The following PHYKPL variants were observed in gnomAD, a reference collection of about 807,000 sequenced individuals.
PHYKPL encodes the protein 5-phosphohydroxy-L-lysine phospho-lyase, also known as 5-phosphonooxy-L-lysine phospho-lyase.
Under a neutral mutation model 51.3 loss-of-function variants are expected in PHYKPL, and 42 were observed. That is an observed-to-expected ratio of 0.82 (90% confidence interval 0.64 to 1.06). PHYKPL has a LOEUF of 1.06. Ranked by LOEUF, PHYKPL falls within the 50% of genes least tolerant of loss-of-function variation. The pLI is 0.00. For synonymous variants in PHYKPL, 264 were observed against 236.0 expected, an observed-to-expected ratio of 1.12 and a Z score of -1.09; for missense variants, 655 against 586.6, an observed-to-expected ratio of 1.12 and a Z score of -1.20.
intron 6 of PHYKPL, chr5:178,223,242 C>CCCAT (rs1761570638): frequency 2.4e-6 from 1 of 418,820 alleles, no homozygotes; most frequent in Non-Finnish European, 4.6e-6. Context: ...CCTCCCTCAA[C>CCCAT]CCATCAGTCA....
chr5:178,222,603 C>T (rs766296013), intron 7 of PHYKPL, 23 bp from the exon 8 acceptor site: 2 of 1,609,796 alleles, frequency 1.2e-6, no homozygotes, highest in Non-Finnish European at 1.7e-6. Flanking sequence ...AGATGACTGA[C>T]ACGGGGGCTG....
intron 12 of PHYKPL, chr5:178,209,454 G>A: frequency 2.5e-6 from 4 of 1,611,626 alleles, no homozygotes; most frequent in Non-Finnish European, 3.4e-6. Flanking sequence ...GGAGGTGAGT[G>A]GAACGTGGAT....
At chr5:178,210,880 G>C (rs566365305) in intron 12 of PHYKPL, 1 of 542,188 alleles carries the variant, frequency 1.8e-6, no homozygotes, top group East Asian at 3.2e-5. Context: ...AGAAGCAGGT[G>C]GGAGGCTCTG....
Position 178,231,957 on chromosome 5 carries a change from C to T in PHYKPL, c.60-434G>A, listed in dbSNP as rs370531851. 7.3e-6 allele frequency: 9 copies of T among 1,240,630 alleles called. No individual in the cohort carries two copies. In the African/African-American group the frequency reaches 7.8e-5, roughly 11 times the overall value. The allele number at this position is 1,240,630 out of a possible 1,614,324, so 76.9% of individuals were successfully genotyped here. A position where few individuals can be genotyped will look rare whatever the true frequency, so the allele number is the denominator to read the frequency against. ...CCAGCCACGTGGCCCTGCTGCCCCT[C>T]GCTGGGTGCCAGCCCTAAGCTCCAG... On this transcript the variant is annotated intron_variant, in intron 1 of 12. Coordinates refer to ENST00000308158, the MANE Select transcript of PHYKPL (RefSeq NM_153373.4).
intron 2 of PHYKPL, chr5:178,230,504 C>T (rs1401752266): frequency 6.2e-6 from 1 of 161,212 alleles, no homozygotes; most frequent in Non-Finnish European, 1.4e-5. Flanking sequence ...CTATAGACAC[C>T]AGTCACCATG....
At chr5:178,210,237 A>G (rs1331172810) in intron 12 of PHYKPL, 3 of 1,613,646 alleles carry the variant, frequency 1.9e-6, no homozygotes, top group Non-Finnish European at 2.5e-6. Flanking sequence ...TACTCGCCCT[A>G]TGGCTATTAC....
At chr5:178,227,117 T>C (rs1762454079) in intron 3 of PHYKPL, among the ~76,000 whole-genome samples, 1 of 151,380 alleles carries the variant, frequency 6.6e-6, no homozygotes, top group Admixed American at 6.6e-5. Context: ...TAGCTCGCAA[T>C]GGCCCGTATG....
chr5:178,231,427 A>G lies in PHYKPL; in HGVS notation c.156T>C (p.Asp52=). The G allele has an allele frequency of 1.2e-6, 2 of 1,614,144 alleles. No individual in the cohort carries two copies. Among genetic ancestry groups the G allele is most frequent in the Non-Finnish European group, 1.7e-6 (2 of 1,180,006 alleles). ...MYDEQGAEYI[D]CISNVAHVGH... ...GACCGTGCGCCACATTGCTGATGCA[A>G]TCGATGTATTCTGCCCCCTGTTCAT... The change falls in exon 2 of 13, where the codon GAT becomes GAC. Residue 52 remains aspartate (D), a synonymous_variant. Coordinates refer to ENST00000308158, the MANE Select transcript of PHYKPL (RefSeq NM_153373.4).
At chr5:178,214,237 TAGAAGG>T (rs1373635792) in intron 10 of PHYKPL, among the ~76,000 whole-genome samples, 1 of 152,058 alleles carries the variant, frequency 6.6e-6, no homozygotes, top group Non-Finnish European at 1.5e-5. Flanking sequence ...ACAATTCAAC[TAGAAGG>T]AGAAGAAGTC....
At chr5:178,209,690 G>A (rs962482773) in intron 12 of PHYKPL, among the ~76,000 whole-genome samples, 5 of 152,162 alleles carry the variant, frequency 3.3e-5, no homozygotes, top group Non-Finnish European at 7.3e-5. Context: ...CACTCTGGGG[G>A]AGGGGATGTG....
chr5:178,211,910 G>A lies in PHYKPL; in HGVS notation c.*11C>T. The A allele has an allele frequency of 6.2e-7, 1 of 1,613,988 alleles. No homozygotes were observed. The highest frequency in any genetic ancestry group is 8.5e-7 in the Non-Finnish European group (1 of 1,179,840). Reference sequence around the variant, plus strand: ...CTCACCTGGAGTACACTTAGGCAGAGCAGGGCTGGCTTAGGGCTGGAGCCT... The same window carrying A: ...CTCACCTGGAGTACACTTAGGCAGAACAGGGCTGGCTTAGGGCTGGAGCCT... On this transcript the variant is annotated 3_prime_UTR_variant, in exon 12 of 13. Coordinates refer to ENST00000308158, the MANE Select transcript of PHYKPL (RefSeq NM_153373.4).
intron 6 of PHYKPL, chr5:178,223,700 G>C: frequency 2.9e-6 from 1 of 347,832 alleles, no homozygotes; most frequent in South Asian, 2.1e-5. Flanking sequence ...TTTCTTTGTC[G>C]TACCTCCTGT....
At chr5:178,222,794 T>C (rs1431789742) in intron 7 of PHYKPL, 58 bp downstream of exon 7, 26 of 1,578,396 alleles carry the variant, frequency 1.6e-5, no homozygotes, top group East Asian at 6.8e-5. Flanking sequence ...GGACCAGAGG[T>C]TGGAAAACCT....
chr5:178,224,821 CAA>C lies in PHYKPL; in HGVS notation c.414-94_414-93del, dbSNP rs565877359. 2.7e-4 allele frequency: 262 copies of C among 973,310 alleles called. 1 individual carries two copies. The African/African-American group carries it at 4.1e-3, about 15-fold the overall frequency. 60.3% of individuals were successfully genotyped at this position (973,310 alleles called of 1,614,324 possible). A position where few individuals can be genotyped will look rare whatever the true frequency, so the allele number is the denominator to read the frequency against. ...TCGTCTCCCCACCCCTGAAGACACA[CAA>C]GGGAGGCCAACTTTCCTGACAGAGC... On this transcript the variant is annotated intron_variant, in intron 4 of 12. Coordinates refer to ENST00000308158, the MANE Select transcript of PHYKPL (RefSeq NM_153373.4).
At chr5:178,224,995 T>C in intron 4 of PHYKPL, 1 of 567,878 alleles carries the variant, frequency 1.8e-6, no homozygotes, top group South Asian at 2.3e-5. Context: ...GATTTCCTCC[T>C]TCTGGTTTAT....
intron 8 of PHYKPL, chr5:178,215,681 G>A (rs1759630941): frequency 4.0e-6 from 2 of 500,052 alleles, no homozygotes; most frequent in African/African-American, 2.0e-5. Context: ...GCCCCTAGAA[G>A]ATACAGAATC....
At chr5:178,217,503 G>A (rs1351450888) in intron 8 of PHYKPL, among the ~76,000 whole-genome samples, 2 of 151,308 alleles carry the variant, frequency 1.3e-5, no homozygotes, top group African/African-American at 4.9e-5. Flanking sequence ...AATTACAGGC[G>A]TGAGCCACTG....
At chr5:178,224,882 T>C in intron 4 of PHYKPL, 153 bp from the exon 5 acceptor site, 1 of 612,864 alleles carries the variant, frequency 1.6e-6, no homozygotes, top group Non-Finnish European at 2.9e-6. Context: ...GAGCACAAGC[T>C]TTGGAGTCAG....
intron 1 of PHYKPL, 115 bp downstream of exon 1, chr5:178,232,377 A>T: frequency 7.6e-7 from 1 of 1,314,410 alleles, no homozygotes; most frequent in Non-Finnish European, 9.6e-7. Context: ...CGGGATGGGT[A>T]GCAGCGGCTT....
Sources: gnomAD v4.1 joint callset for allele counts (sites outside exome capture counted in the v4.1 genomes callset) on GRCh38, gnomAD v4.1.1 for gene constraint, MANE v1.5 for transcripts, NCBI Gene and HGNC (gene_info 2026-07-23, HGNC 2026-07-21) for gene names.